SLC25A13: variants seen among roughly 807,000 people sequenced by gnomAD.
SLC25A13 encodes the protein solute carrier family 25 member 13.
A neutral mutation model predicts 85.5 loss-of-function variants in SLC25A13; 70 were observed. The observed-to-expected ratio is 0.82, with a 90% CI of 0.68 to 1.00. SLC25A13 has a LOEUF of 1.00. SLC25A13 is among the 50% of genes least tolerant of loss of function. SLC25A13 has a pLI of 0.00. For missense variants in SLC25A13, 765 were observed against 819.8 expected, an observed-to-expected ratio of 0.93 and a Z score of 0.82; for synonymous variants, 259 against 288.7, an observed-to-expected ratio of 0.90 and a Z score of 1.04.
intron 3 of SLC25A13, among the ~76,000 whole-genome samples, chr7:96,262,944 G>A (rs1584530909): frequency 1.3e-5 from 2 of 150,192 alleles, no homozygotes; most frequent in East Asian, 4.0e-4. Context: ...GAAAACAGGT[G>A]GAAATTGTTA....
At chr7:96,266,855 G>A (rs1267524924) in intron 3 of SLC25A13, among the ~76,000 whole-genome samples, 5 of 152,126 alleles carry the variant, frequency 3.3e-5, no homozygotes. Flanking sequence ...CTGATTCAAT[G>A]AGAGCTGTTA....
intron 14 of SLC25A13, among the ~76,000 whole-genome samples, chr7:96,143,047 G>A (rs536023107): frequency 6.6e-6 from 1 of 152,312 alleles, no homozygotes; most frequent in East Asian, 1.9e-4. Flanking sequence ...TAGAATCAAG[G>A]TTTAATTTGT....
chr7:96,309,076 G>C (rs192621135), intron 1 of SLC25A13, among the ~76,000 whole-genome samples: 5 of 152,322 alleles, frequency 3.3e-5, no homozygotes, highest in Admixed American at 2.0e-4. Context: ...AATAAAATGA[G>C]TGTGTGAATT....
chr7:96,285,612 C>T (rs1322799622), intron 2 of SLC25A13, among the ~76,000 whole-genome samples: 1 of 152,110 alleles, frequency 6.6e-6, no homozygotes, highest in Non-Finnish European at 1.5e-5. Context: ...GGGGCTGCTC[C>T]CTCCTTCCAC....
intron 1 of SLC25A13, among the ~76,000 whole-genome samples, chr7:96,298,082 C>A (rs919962303): frequency 6.6e-6 from 1 of 152,198 alleles, no homozygotes. Flanking sequence ...TCCCACCAAG[C>A]ACAGAGCCAC....
At chr7:96,157,215 C>T (rs1793307646) in intron 13 of SLC25A13, among the ~76,000 whole-genome samples, 1 of 152,146 alleles carries the variant, frequency 6.6e-6, no homozygotes, top group Non-Finnish European at 1.5e-5. Flanking sequence ...TCATTATTTC[C>T]AAATGCTCTG....
At chr7:96,122,887 C>T (rs1251315117) in intron 15 of SLC25A13, among the ~76,000 whole-genome samples, 5 of 152,162 alleles carry the variant, frequency 3.3e-5, no homozygotes, top group African/African-American at 1.2e-4. Flanking sequence ...TGAACTTATT[C>T]CAAACCAAAT....
chr7:96,179,168 A>C (rs1400171541), intron 11 of SLC25A13, among the ~76,000 whole-genome samples: 1 of 152,218 alleles, frequency 6.6e-6, no homozygotes, highest in East Asian at 1.9e-4. Flanking sequence ...AAGTAAAGAG[A>C]ATTGGGGAAA....
chr7:96,299,263 A>T (rs1799464734), intron 1 of SLC25A13, among the ~76,000 whole-genome samples: 1 of 152,112 alleles, frequency 6.6e-6, no homozygotes, highest in Non-Finnish European at 1.5e-5. Context: ...TCAGAACTAC[A>T]CCTCAAAGGG....
At chr7:96,291,735 T>C (rs1034814633) in intron 2 of SLC25A13, among the ~76,000 whole-genome samples, 1 of 152,134 alleles carries the variant, frequency 6.6e-6, no homozygotes, top group African/African-American at 2.4e-5. Context: ...CAGGAAGAAG[T>C]TGAATCCCTG....
At chr7:96,275,828 T>A (rs944964958) in intron 3 of SLC25A13, among the ~76,000 whole-genome samples, 3 of 152,114 alleles carry the variant, frequency 2.0e-5, no homozygotes, top group Non-Finnish European at 2.9e-5. Context: ...ATGGCACATG[T>A]ATACATACGT....
chr7:96,208,728 A>C, intron 5 of SLC25A13, 110 bp downstream of exon 5: 1 of 1,249,770 alleles, frequency 8.0e-7, no homozygotes, highest in Non-Finnish European at 1.2e-6. Context: ...GATGGTCTCG[A>C]TCTCCTGACC....
chr7:96,278,422 T>C (rs141985428), intron 2 of SLC25A13, among the ~76,000 whole-genome samples: 1 of 152,352 alleles, frequency 6.6e-6, no homozygotes, highest in East Asian at 1.9e-4. Context: ...TTGTTATTTC[T>C]ACATTTTAAT....
At chr7:96,249,648 A>G (rs1345070712) in intron 3 of SLC25A13, among the ~76,000 whole-genome samples, 1 of 152,142 alleles carries the variant, frequency 6.6e-6, no homozygotes, top group African/African-American at 2.4e-5. Context: ...TCTCCTAACA[A>G]TTTCAAGCTT....
At chr7:96,180,772 T>C (rs550810898) in intron 11 of SLC25A13, among the ~76,000 whole-genome samples, 3 of 152,354 alleles carry the variant, frequency 2.0e-5, no homozygotes, top group Admixed American at 2.0e-4. Context: ...TCCTGGAACA[T>C]TAAGAGCATT....
intron 2 of SLC25A13, among the ~76,000 whole-genome samples, chr7:96,292,396 T>C (rs1201992061): frequency 6.6e-6 from 1 of 152,116 alleles, no homozygotes; most frequent in Non-Finnish European, 1.5e-5. Flanking sequence ...CTCTCACCAC[T>C]CCTATTTAAC....
intron 4 of SLC25A13, among the ~76,000 whole-genome samples, chr7:96,232,077 T>C (rs1796559728): frequency 6.6e-6 from 1 of 152,140 alleles, no homozygotes; most frequent in African/African-American, 2.4e-5. Flanking sequence ...CACAATCCCA[T>C]TACTGGGTAT....
chr7:96,213,414 A>G (rs1795775643), intron 4 of SLC25A13, among the ~76,000 whole-genome samples: 1 of 152,226 alleles, frequency 6.6e-6, no homozygotes, highest in Non-Finnish European at 1.5e-5. Context: ...CTCATTTTAT[A>G]GCTGAAAAAT....
chr7:96,306,606 C>T (rs1259995069), intron 1 of SLC25A13, among the ~76,000 whole-genome samples: 10 of 151,924 alleles, frequency 6.6e-5, no homozygotes, highest in Non-Finnish European at 1.3e-4. Context: ...GACTTCTGAC[C>T]TCTTGGGCAA....
Sources: gnomAD v4.1 joint callset for allele counts (sites outside exome capture counted in the v4.1 genomes callset) on GRCh38, gnomAD v4.1.1 for gene constraint, MANE v1.5 for transcripts, NCBI Gene and HGNC (gene_info 2026-07-23, HGNC 2026-07-21) for gene names.